The following ANKS6 variants were observed in gnomAD, a reference collection of about 807,000 sequenced individuals.
ANKS6 encodes the protein ankyrin repeat and SAM domain-containing protein 6.
ANKS6 carries 47 observed loss-of-function variants against 77.9 expected under a neutral mutation model. The ratio of observed to expected loss-of-function variants is 0.60; its 90% CI spans 0.48 to 0.77. ANKS6 has a LOEUF of 0.77. Ranked by LOEUF, ANKS6 falls within the 30% of genes least tolerant of loss-of-function variation. ANKS6 has a pLI of 0.00. For synonymous variants in ANKS6, 488 were observed against 501.7 expected, an observed-to-expected ratio of 0.97 and a Z score of 0.37; for missense variants, 1,150 against 1,159.1, an observed-to-expected ratio of 0.99 and a Z score of 0.11.
At chr9:98,795,602 TG>T (rs1224359621) in intron 1 of ANKS6, among the ~76,000 whole-genome samples, 1 of 152,226 alleles carries the variant, frequency 6.6e-6, no homozygotes, top group East Asian at 1.9e-4. Context: ...TGTAATGTCC[TG>T]GCTAATTCTC....
chr9:98,790,316 G>A lies in ANKS6; in HGVS notation c.650C>T (p.Pro217Leu), dbSNP rs201346033. 1 of 1,607,968 alleles carries A rather than the reference G, an allele frequency of 6.2e-7. No individual in the cohort carries two copies. The highest frequency in any genetic ancestry group is 8.5e-7 in the Non-Finnish European group (1 of 1,176,426). ...GCCCACGGTCCGGGCTGCGTGGTTGGGGTCCGCGCCCCACTCCATCAGTAG... is the reference window on the plus strand; with the variant it reads ...GCCCACGGTCCGGGCTGCGTGGTTGAGGTCCGCGCCCCACTCCATCAGTAG... ...VRLLMEWGADPNHAARTVGWS... is the reference protein window; with the variant it reads ...VRLLMEWGADLNHAARTVGWS... The change falls in exon 2 of 15, where the codon CCC becomes CTC. Residue 217 changes from proline to leucine, a missense_variant. Transcript: ENST00000353234.
intron 9 of ANKS6, among the ~76,000 whole-genome samples, chr9:98,771,703 C>G (rs111530225): frequency 1.5e-3 from 234 of 152,250 alleles, no homozygotes; most frequent in Admixed American, 4.0e-3. Context: ...GCGGCTCCCC[C>G]CCATCCTTAC....
chr9:98,778,212 C>G lies in ANKS6; in HGVS notation c.1567+14G>C. On this transcript the variant is annotated intron_variant, in intron 7 of 14. Coordinates refer to ENST00000353234, the MANE Select transcript of ANKS6 (RefSeq NM_173551.5). The stretch of plus-strand genomic sequence containing the variant: ...CATTCCAAAAATTCTACTGCACATG[C>G]AGACTTTTCTCACCATTGTCTTTGG... The G allele has an allele frequency of 6.2e-7, 1 of 1,613,760 alleles. No homozygotes were observed. Among genetic ancestry groups the G allele is most frequent in the Non-Finnish European group, 8.5e-7 (1 of 1,179,722 alleles).
At chr9:98,777,330 A>G in intron 8 of ANKS6, 75 bp downstream of exon 8, 1 of 1,495,986 alleles carries the variant, frequency 6.7e-7, no homozygotes, top group Non-Finnish European at 9.3e-7. Context: ...ACAAACACCT[A>G]CATCCCTCCT....
chr9:98,742,902 A>C (rs1831918989), intron 14 of ANKS6, among the ~76,000 whole-genome samples: 1 of 152,164 alleles, frequency 6.6e-6, no homozygotes, highest in East Asian at 1.9e-4. Context: ...AGTTTATATA[A>C]ACTTTAAGAA....
At chr9:98,753,128 C>T (rs1009656282) in intron 12 of ANKS6, among the ~76,000 whole-genome samples, 6 of 152,036 alleles carry the variant, frequency 3.9e-5, no homozygotes, top group Non-Finnish European at 8.8e-5. Context: ...ATTTATAGCA[C>T]ACAATTTACA....
chr9:98,791,772 G>A lies in ANKS6; in HGVS notation c.360-1166C>T, dbSNP rs141543031. ...AACCCAAGACCTCCCTCCTCCTGGC[G>A]GCTGGCGGCCAGGCCAGGGCTGAAC... On this transcript the variant is annotated intron_variant, in intron 1 of 14. Transcript: ENST00000353234. This position sits in a 1 kb window ranked among gnomAD's most constrained non-coding sequence, Gnocchi z 4.3. Among the ~76,000 whole-genome samples, 84 of 152,158 alleles carry A rather than the reference G, an allele frequency of 5.5e-4. 1 individual carries two copies. In the East Asian group the frequency reaches 0.014, roughly 26 times the overall value.
intron 10 of ANKS6, 138 bp from the exon 11 acceptor site, chr9:98,768,388 G>A: frequency 9.9e-7 from 1 of 1,006,512 alleles, no homozygotes; most frequent in Non-Finnish European, 1.5e-6. Flanking sequence ...GGACAGGACT[G>A]ACCACAGGAG....
Position 98,791,926 on chromosome 9 carries a change from A to G in ANKS6, c.360-1320T>C, listed in dbSNP as rs915754952. 6.6e-6 allele frequency among the ~76,000 whole-genome samples: 1 copy of G among 151,884 alleles called. No individual in the cohort carries two copies. Among genetic ancestry groups the G allele is most frequent in the East Asian group, 1.9e-4 (1 of 5,178 alleles). On this transcript the variant is annotated intron_variant, in intron 1 of 14. Coordinates refer to ENST00000353234, the MANE Select transcript of ANKS6 (RefSeq NM_173551.5). The surrounding 1 kb of genome is among the most constrained non-coding windows in gnomAD (Gnocchi z 4.3). ...CAGGGGGCTGGGCCTCTTGACCTCC[A>G]CTCCCAGAGTGGAAAAGGACAAGGC...
intron 5 of ANKS6, 28 bp from the exon 6 acceptor site, chr9:98,780,365 C>T (rs962237428): frequency 1.3e-6 from 2 of 1,555,836 alleles, no homozygotes; most frequent in South Asian, 1.2e-5. Flanking sequence ...ATCATTTTAC[C>T]TGCAAATATG....
intron 1 of ANKS6, 54 bp downstream of exon 1, chr9:98,796,079 G>A (rs1325495896): frequency 1.6e-6 from 2 of 1,268,984 alleles, no homozygotes; most frequent in Non-Finnish European, 9.9e-7. Flanking sequence ...ACCGCGTCTC[G>A]GGCCAGCGCC....
chr9:98,759,031 T>C (rs1173722169), intron 11 of ANKS6, among the ~76,000 whole-genome samples: 1 of 152,226 alleles, frequency 6.6e-6, no homozygotes, highest in Non-Finnish European at 1.5e-5. Context: ...TTGCATTCTA[T>C]CTTTGGTTCC....
intron 2 of ANKS6, among the ~76,000 whole-genome samples, chr9:98,785,330 GT>G (rs1834506149): frequency 6.6e-6 from 1 of 152,200 alleles, no homozygotes; most frequent in African/African-American, 2.4e-5. Flanking sequence ...CTCTAAGGAA[GT>G]TCACAGCCAC....
intron 12 of ANKS6, among the ~76,000 whole-genome samples, chr9:98,754,696 T>C (rs1256933399): frequency 6.6e-6 from 1 of 151,620 alleles, no homozygotes; most frequent in Non-Finnish European, 1.5e-5. Context: ...ATAACAATCA[T>C]ATACCCACAG....
At chr9:98,740,387 G>A (rs1831758638) in intron 14 of ANKS6, among the ~76,000 whole-genome samples, 1 of 152,194 alleles carries the variant, frequency 6.6e-6, no homozygotes, top group African/African-American at 2.4e-5. Flanking sequence ...CCAAGTCAGA[G>A]GATCTGGAAT....
chr9:98,767,982 T>C, intron 11 of ANKS6, 99 bp downstream of exon 11: 3 of 1,455,244 alleles, frequency 2.1e-6, no homozygotes, highest in Non-Finnish European at 2.7e-6. Flanking sequence ...TCTTTAGTCC[T>C]GTCCCATGAC....
chr9:98,777,272 G>T, intron 8 of ANKS6, 133 bp downstream of exon 8: 3 of 958,296 alleles, frequency 3.1e-6, no homozygotes, highest in Non-Finnish European at 4.9e-6. Flanking sequence ...TAAGCCCACT[G>T]TTACACATTC....
intron 8 of ANKS6, among the ~76,000 whole-genome samples, chr9:98,776,117 G>A (rs1833904726): frequency 6.6e-6 from 1 of 152,164 alleles, no homozygotes; most frequent in Non-Finnish European, 1.5e-5. Context: ...GGAAACAAAC[G>A]TGAAACCCAG....
intron 13 of ANKS6, among the ~76,000 whole-genome samples, chr9:98,747,195 C>T (rs1263256803): frequency 6.6e-6 from 1 of 152,192 alleles, no homozygotes; most frequent in Non-Finnish European, 1.5e-5. Flanking sequence ...ACTTGCATAA[C>T]TTCTTGAAAA....
Sources: gnomAD v4.1 joint callset for allele counts (sites outside exome capture counted in the v4.1 genomes callset) on GRCh38, gnomAD v4.1.1 for gene constraint, Gnocchi (gnomAD v3.1) non-coding constraint, MANE v1.5 for transcripts, NCBI Gene and HGNC (gene_info 2026-07-23, HGNC 2026-07-21) for gene names.